The following SLC48A1 variants were observed in gnomAD, a reference collection of about 807,000 sequenced individuals.
SLC48A1 encodes the protein solute carrier family 48 member 1, also known as heme transporter HRG1.
A neutral mutation model predicts 14.8 loss-of-function variants in SLC48A1; 6 were observed. That is an observed-to-expected ratio of 0.41 (90% CI 0.22 to 0.80). SLC48A1 has a LOEUF of 0.80. SLC48A1 is among the 30% of genes least tolerant of loss of function. SLC48A1 has a pLI of 0.34. For missense variants in SLC48A1, 165 were observed against 204.8 expected (o/e 0.81, Z 1.19); for synonymous variants, 89 against 90.0 (o/e 0.99, Z 0.06).
intron 1 of SLC48A1, 186 bp from the exon 2 acceptor site, chr12:47,778,842 C>A (rs921651126): frequency 1.9e-6 from 1 of 533,122 alleles, no homozygotes; most frequent in African/African-American, 1.9e-5. Flanking sequence ...GTTGGGCTTA[C>A]TAGCAGGCAG....
At chr12:47,758,116 C>T (rs534857093), upstream of SLC48A1, 316 of 1,535,530 alleles carry the variant, frequency 2.1e-4, no homozygotes, top group Admixed American at 3.7e-4. Context: ...CCATGGGACA[C>T]GACTGGGGCG....
chr12:47,773,201 G>C (rs1280179363), upstream of SLC48A1: 2 of 1,021,690 alleles, frequency 2.0e-6, no homozygotes, highest in East Asian at 8.5e-5. Flanking sequence ...AGCGCGGGGC[G>C]CCGGCTGCTC....
intron 2 of SLC48A1, among the ~76,000 whole-genome samples, chr12:47,766,115 G>C (rs1307421445): frequency 5.4e-4 from 82 of 152,188 alleles, no homozygotes; most frequent in Admixed American, 5.3e-3. Flanking sequence ...GCACAGGTAA[G>C]AGCCTTATTT....
chr12:47,762,448 TAC>T (rs1392182217), intron 2 of SLC48A1, among the ~76,000 whole-genome samples: 2 of 152,188 alleles, frequency 1.3e-5, no homozygotes, highest in Non-Finnish European at 2.9e-5. Flanking sequence ...CCTGATACCC[TAC>T]ATTCCTCATT....
At position 47,779,215 on chromosome 12, in the gene SLC48A1, A is replaced by T. The variant is rs1183288223; in HGVS notation, c.304+20A>T. 6.5e-7 allele frequency: 1 copy of T among 1,546,314 alleles called. No homozygotes were observed. The highest frequency in any genetic ancestry group is 8.7e-7 in the Non-Finnish European group (1 of 1,143,796). ...ATCAGAGTGAGGGCGGGTCCCAGGG[A>T]AAGAGGGCATGGGAGGGACAGCAGC... On this transcript the variant is annotated intron_variant, in intron 2 of 2. Coordinates refer to ENST00000442218, the MANE Select transcript of SLC48A1 (RefSeq NM_017842.3).
chr12:47,762,642 A>G (rs565500340), intron 2 of SLC48A1, among the ~76,000 whole-genome samples: 1 of 152,324 alleles, frequency 6.6e-6, no homozygotes, highest in African/African-American at 2.4e-5. Flanking sequence ...CCTCAGAACA[A>G]TTCCTATTTG....
Position 47,779,129 on chromosome 12 carries a change from C to G in SLC48A1, c.238C>G (p.Leu80Val), listed in dbSNP as rs1942810809. 6.4e-7 allele frequency: 1 copy of G among 1,551,898 alleles called. No homozygotes were observed. Among genetic ancestry groups the G allele is most frequent in the Middle Eastern group, 1.7e-4 (1 of 5,994 alleles). ...GCGCGGCTTCTTCTTCGTGGGCGTC[C>G]TCTTCTCGGCCGTCTCCATCGCTGC... ...GLRGFFFVGV[L>V]FSAVSIAAFC... The change falls in exon 2 of 3, where the codon CTC becomes GTC. Residue 80 changes from leucine (L) to valine (V), a missense_variant. Coordinates refer to ENST00000442218, the MANE Select transcript of SLC48A1 (RefSeq NM_017842.3).
chr12:47,764,185 G>C (rs1487565760), intron 2 of SLC48A1, among the ~76,000 whole-genome samples: 2 of 152,048 alleles, frequency 1.3e-5, no homozygotes. Context: ...TCTTGTGTGG[G>C]TCCCAGGAGA....
chr12:47,769,131 T>C (rs573808402), upstream of SLC48A1: 1 of 152,376 alleles, frequency 6.6e-6, no homozygotes, highest in East Asian at 1.9e-4. Context: ...ACATTGCTTC[T>C]GCCTTCATTC....
upstream of SLC48A1, chr12:47,771,078 C>T: frequency 2.8e-6 from 1 of 352,178 alleles, no homozygotes; most frequent in South Asian, 2.1e-5. Context: ...CATCACTTCT[C>T]ATTAAAATAC....
upstream of SLC48A1, among the ~76,000 whole-genome samples, chr12:47,756,774 T>G (rs1383501361): frequency 1.3e-5 from 2 of 151,894 alleles, no homozygotes; most frequent in Non-Finnish European, 1.5e-5. Flanking sequence ...ATCAAGACCA[T>G]CCTGGCCAAT....
chr12:47,776,462 G>A (rs1420526652), intron 1 of SLC48A1, among the ~76,000 whole-genome samples: 1 of 150,614 alleles, frequency 6.6e-6, no homozygotes, highest in Non-Finnish European at 1.5e-5. Flanking sequence ...CCTGCCTGAT[G>A]TGTGGGAGGG....
intron 2 of SLC48A1, among the ~76,000 whole-genome samples, chr12:47,765,006 G>A (rs1170342269): frequency 7.1e-6 from 1 of 141,372 alleles, no homozygotes; most frequent in Non-Finnish European, 1.5e-5. Flanking sequence ...AAACCTGGAA[G>A]GCGGAGGTTG....
rs373408444 is a variant in SLC48A1 at position 47,780,629 on chromosome 12, C to T, written c.*348C>T. ...TCACCCAGGCTGGAGTGCAGTAGTG[C>T]GATCTCAGCTCACTGCAACCTCCGC... On this transcript the variant is annotated 3_prime_UTR_variant, in exon 3 of 3. Transcript: ENST00000442218. 2.6e-5 allele frequency: 11 copies of T among 421,326 alleles called. No homozygotes were observed. The highest frequency in any genetic ancestry group is 5.1e-5 in the South Asian group (3 of 58,626). 26.1% of individuals were successfully genotyped at this position (421,326 alleles called of 1,614,324 possible). A position where few individuals can be genotyped will look rare whatever the true frequency, so the allele number is the denominator to read the frequency against.
chr12:47,774,065 G>A (rs1050633723), intron 1 of SLC48A1, among the ~76,000 whole-genome samples: 1 of 152,216 alleles, frequency 6.6e-6, no homozygotes, highest in Non-Finnish European at 1.5e-5. Context: ...CCATGTTGGT[G>A]CCTTTTTGCT....
upstream of SLC48A1, among the ~76,000 whole-genome samples, chr12:47,757,311 C>A (rs1212846046): frequency 6.6e-6 from 1 of 152,160 alleles, no homozygotes; most frequent in Non-Finnish European, 1.5e-5. Context: ...TTCTCACTAG[C>A]AAAGGGCACT....
In SLC48A1 at chr12:47,782,721, C is replaced by T. The variant is rs1416595755; in HGVS notation, c.*2440C>T. On this transcript the variant is annotated 3_prime_UTR_variant, in exon 3 of 3. Transcript: ENST00000442218. ...CTTCTGGGGGGCCCTTTCAGAGGCA[C>T]TTTTAAAGCAAATAAAACATTTATT... The T allele has an allele frequency of 1.3e-5, 2 of 152,304 alleles. No individual in the cohort carries two copies. The highest frequency in any genetic ancestry group is 2.9e-5 in the Non-Finnish European group (2 of 68,080). 9.4% of individuals were successfully genotyped at this position (152,304 alleles called of 1,614,324 possible).
At chr12:47,773,655 C>T (rs1193723675) in intron 1 of SLC48A1, among the ~76,000 whole-genome samples, 1 of 149,434 alleles carries the variant, frequency 6.7e-6, no homozygotes, top group African/African-American at 2.5e-5. Flanking sequence ...CGGGCGCCAC[C>T]TGGGGGTGCC....
chr12:47,761,212 AG>A (rs1942372840), intron 2 of SLC48A1, among the ~76,000 whole-genome samples: 1 of 150,258 alleles, frequency 6.7e-6, no homozygotes, highest in African/African-American at 2.5e-5. Flanking sequence ...AAAAAAAAAA[AG>A]GCAGGGGGGA....
Sources: gnomAD v4.1 joint callset for allele counts (sites outside exome capture counted in the v4.1 genomes callset) on GRCh38, gnomAD v4.1.1 for gene constraint, MANE v1.5 for transcripts, NCBI Gene and HGNC (gene_info 2026-07-23, HGNC 2026-07-21) for gene names.